The following SPOUT1 variants were observed in gnomAD, a reference collection of about 807,000 sequenced individuals.
SPOUT1 encodes SPOUT domain containing methyltransferase 1.
SPOUT1 carries 40 observed loss-of-function variants against 54.8 expected under a neutral mutation model. The observed-to-expected ratio is 0.73, with a 90% CI of 0.57 to 0.95. SPOUT1 has a LOEUF of 0.95. Ranked by LOEUF, SPOUT1 falls within the 40% of genes least tolerant of loss-of-function variation. The pLI, the probability that SPOUT1 is intolerant of heterozygous loss-of-function variation, is 0.00. For synonymous variants in SPOUT1, 193 were observed against 200.3 expected (o/e 0.96, Z 0.31); for missense variants, 437 against 499.5 (o/e 0.87, Z 1.19).
Position 128,826,412 on chromosome 9 carries a change from G to A in SPOUT1, c.480C>T (p.Phe160=), listed in dbSNP as rs772511197. The A allele has an allele frequency of 3.1e-6, 5 of 1,613,978 alleles. No individual in the cohort carries two copies. In the South Asian group the frequency reaches 3.3e-5, roughly 11 times the overall value. Residue 160 remains phenylalanine (F), a synonymous_variant, in exon 6 of 12, where the codon TTC becomes TTT. Transcript: ENST00000361256. This position sits in a 1 kb window ranked among gnomAD's most constrained non-coding sequence, Gnocchi z 5.5. ...CAAACTGTAGATCCTGGTGCTTGGG[G>A]AAGAACGCCTTCCTCAGGTACCTAG... is the stretch of plus-strand genomic sequence containing the variant. The part of the protein sequence containing the change: ...ECPQYLRKAF[F]PKHQDLQFAG...
intron 9 of SPOUT1, 98 bp from the exon 10 acceptor site, chr9:128,824,272 GCTGTGTGGTGT>G: frequency 1.6e-6 from 1 of 606,568 alleles, no homozygotes; most frequent in South Asian, 1.7e-5. Context: ...GGTGGGAAGA[GCTGTGTGGTGT>G]GTGTGTGTGT....
Position 128,829,107 on chromosome 9 carries a change from T to TA in SPOUT1, c.82+2dup. On this transcript the variant is annotated splice_region_variant and intron_variant, in intron 2 of 11. Transcript: ENST00000361256. ...GAAGATACTCTTACCCACCCTTACTTACTCTGTTGCTTCCATTTTCGCCAC... is the reference window on the plus strand; with the variant it reads ...GAAGATACTCTTACCCACCCTTACTTAACTCTGTTGCTTCCATTTTCGCCAC... The TA allele has an allele frequency of 6.2e-7, 1 of 1,613,388 alleles. No homozygotes were observed. The highest frequency in any genetic ancestry group is 8.5e-7 in the Non-Finnish European group (1 of 1,179,292).
chr9:128,824,257 G>T, intron 9 of SPOUT1, 83 bp from the exon 10 acceptor site: 4 of 662,428 alleles, frequency 6.0e-6, no homozygotes, highest in East Asian at 2.9e-5. Flanking sequence ...ACTGAGGCGG[G>T]GGTGGGTGGG....
In SPOUT1 at chr9:128,825,049, C is replaced by A; in HGVS notation, c.640G>T (p.Glu214Ter). 6.4e-7 allele frequency: 1 copy of A among 1,565,190 alleles called. No individual in the cohort carries two copies. Among genetic ancestry groups the A allele is most frequent in the Non-Finnish European group, 8.7e-7 (1 of 1,154,654 alleles). ...GSFVNCGMKK[E>*]VKIDKNLEPG... The stretch of plus-strand genomic sequence containing the variant: ...TCCAGGTTCTTGTCAATCTTCACCT[C>A]CTGGGGAGAAGCCAGAAGAAATGGG... Residue 214 changes from glutamate (E) to a stop codon, truncating the protein, a stop_gained and splice_region_variant, in exon 8 of 12, where the codon GAG becomes TAG. Transcript: ENST00000361256. LOFTEE classifies it high-confidence loss of function.
chr9:128,823,090 G>A (rs1225073334), intron 11 of SPOUT1, among the ~76,000 whole-genome samples: 3 of 152,178 alleles, frequency 2.0e-5, no homozygotes, highest in African/African-American at 4.8e-5. Flanking sequence ...CAGGGCCAGG[G>A]GAGGGCAAGA....
Position 128,820,517 on chromosome 9 carries a change from G to C in SPOUT1, c.*2248C>G. The C allele has an allele frequency of 1.8e-6, 1 of 553,298 alleles. No homozygotes were observed. Among genetic ancestry groups the C allele is most frequent in the Non-Finnish European group, 3.2e-6 (1 of 309,600 alleles). 34.3% of individuals were successfully genotyped at this position (553,298 alleles called of 1,614,324 possible). On this transcript the variant is annotated 3_prime_UTR_variant, in exon 12 of 12. Transcript: ENST00000361256. Reference sequence around the variant, plus strand: ...ATTCGACTCTTGGGAGCTGAGAAAAGACTTTGACACCTGGGCTGTGGGAGG... The same window carrying C: ...ATTCGACTCTTGGGAGCTGAGAAAACACTTTGACACCTGGGCTGTGGGAGG...
chr9:128,827,651 C>T (rs1830267329), intron 3 of SPOUT1, among the ~76,000 whole-genome samples: 1 of 152,286 alleles, frequency 6.6e-6, no homozygotes, highest in East Asian at 1.9e-4. Flanking sequence ...CAAAAGGTGG[C>T]TCATGCCTGT....
At position 128,821,579 on chromosome 9, in the gene SPOUT1, G is replaced by A. The variant is rs2132582303; in HGVS notation, c.*1186C>T. The A allele has an allele frequency of 6.5e-6, 1 of 154,512 alleles. No homozygotes were observed. The highest frequency in any genetic ancestry group is 2.0e-4 in the South Asian group (1 of 4,960). 9.6% of individuals were successfully genotyped at this position (154,512 alleles called of 1,614,324 possible). A position where few individuals can be genotyped will look rare whatever the true frequency, so the allele number is the denominator to read the frequency against. The stretch of plus-strand genomic sequence containing the variant: ...TCCTGTGCAGCCCTGCCTCTCAGGT[G>A]GAAGCAACTGAGCACCTCTGGGTGT... On this transcript the variant is annotated 3_prime_UTR_variant, in exon 12 of 12. Transcript: ENST00000361256.
Position 128,827,836 on chromosome 9 carries a change from C to T in SPOUT1, c.209-645G>A, listed in dbSNP as rs906291962. ...ACTCCGGAGGCTGGGGCAGGAGAAT[C>T]GATTGAACTGGGAAGTGGAGATTGC... On this transcript the variant is annotated intron_variant, in intron 3 of 11. Coordinates refer to ENST00000361256, the MANE Select transcript of SPOUT1 (RefSeq NM_016390.4). Among the ~76,000 whole-genome samples the T allele has an allele frequency of 3.3e-5, 5 of 152,136 alleles. 1 individual carries two copies. Among genetic ancestry groups the T allele is most frequent in the South Asian group, 4.1e-4 (2 of 4,824 alleles).
At chr9:128,824,226 C>A in intron 9 of SPOUT1, 52 bp from the exon 10 acceptor site, 1 of 985,714 alleles carries the variant, frequency 1.0e-6, no homozygotes, top group Non-Finnish European at 1.6e-6. Flanking sequence ...AGCCATAGCT[C>A]CGGGTATTAT....
chr9:128,827,855 A>T (rs1830271294), intron 3 of SPOUT1, among the ~76,000 whole-genome samples: 1 of 152,194 alleles, frequency 6.6e-6, no homozygotes, highest in Non-Finnish European at 1.5e-5. Flanking sequence ...TGGGAAGTGG[A>T]GATTGCAGTG....
In SPOUT1 at chr9:128,826,179, T is replaced by G. The variant is rs1256904728; in HGVS notation, c.509-27A>C. 6.3e-7 allele frequency: 1 copy of G among 1,588,050 alleles called. No homozygotes were observed. Among genetic ancestry groups the G allele is most frequent in the Non-Finnish European group, 8.6e-7 (1 of 1,167,006 alleles). The stretch of plus-strand genomic sequence containing the variant: ...TGTGGAGGCAGAGCCGGGAAGAGTC[T>G]GGGAAGTGCTAGGGCACACAGGGTG... On this transcript the variant is annotated intron_variant, in intron 6 of 11. Transcript: ENST00000361256. The surrounding 1 kb of genome is among the most constrained non-coding windows in gnomAD (Gnocchi z 5.5).
At chr9:128,825,664 G>A (rs374210910) in intron 7 of SPOUT1, among the ~76,000 whole-genome samples, 6 of 152,184 alleles carry the variant, frequency 3.9e-5, no homozygotes, top group East Asian at 1.9e-4. Flanking sequence ...CTCCATACAT[G>A]TAAAGGTTTC....
chr9:128,826,274 G>A lies in SPOUT1; in HGVS notation c.508+110C>T. 3 of 1,551,940 alleles carry A rather than the reference G, an allele frequency of 1.9e-6. 1 individual carries two copies. The highest frequency in any genetic ancestry group is 2.3e-5 in the South Asian group (2 of 88,774). The stretch of plus-strand genomic sequence containing the variant: ...CGTCTTGGCATCAGACACAGGTCTT[G>A]CTCTCCCAGGCCTGCTTTCCCACCT... On this transcript the variant is annotated intron_variant, in intron 6 of 11. Transcript: ENST00000361256. The surrounding 1 kb of genome is among the most constrained non-coding windows in gnomAD (Gnocchi z 5.5).
At chr9:128,825,172 G>C in intron 7 of SPOUT1, 123 bp from the exon 8 acceptor site, 1 of 682,114 alleles carries the variant, frequency 1.5e-6, no homozygotes, top group Non-Finnish European at 2.6e-6. Flanking sequence ...AGGTCAACCT[G>C]CCACCCTCCA....
Position 128,822,570 on chromosome 9 carries a change from G to T in SPOUT1, c.*195C>A. On this transcript the variant is annotated 3_prime_UTR_variant, in exon 12 of 12. Coordinates refer to ENST00000361256, the MANE Select transcript of SPOUT1 (RefSeq NM_016390.4). ...CTCTTTGTGCCAAACATCCTGGCGCGGGCAGGCAGCCTCAAGGCCATCACG... is the reference window on the plus strand; with the variant it reads ...CTCTTTGTGCCAAACATCCTGGCGCTGGCAGGCAGCCTCAAGGCCATCACG... The T allele has an allele frequency of 6.4e-7, 1 of 1,566,726 alleles. No homozygotes were observed. The highest frequency in any genetic ancestry group is 8.7e-7 in the Non-Finnish European group (1 of 1,155,534).
In SPOUT1 at chr9:128,826,472, AG is replaced by A; in HGVS notation, c.459-40del. 6.2e-7 allele frequency: 1 copy of A among 1,612,358 alleles called. No homozygotes were observed. Among genetic ancestry groups the A allele is most frequent in the Non-Finnish European group, 8.5e-7 (1 of 1,178,512 alleles). The stretch of plus-strand genomic sequence containing the variant: ...CTGACCTCAGGATGTTCCCAGGGGA[AG>A]CCGCCTCCTACCTGGTCTCCACTTT... On this transcript the variant is annotated intron_variant, in intron 5 of 11. Transcript: ENST00000361256. The surrounding 1 kb of genome is among the most constrained non-coding windows in gnomAD (Gnocchi z 5.5).
chr9:128,826,431 T>G lies in SPOUT1; in HGVS notation c.461A>C (p.Tyr154Ser). The G allele has an allele frequency of 1.2e-6, 2 of 1,613,946 alleles. No individual in the cohort carries two copies. Among genetic ancestry groups the G allele is most frequent in the Non-Finnish European group, 1.7e-6 (2 of 1,179,944 alleles). Residue 154 changes from tyrosine (Y) to serine (S), a missense_variant and splice_region_variant, in exon 6 of 12, where the codon TAC becomes TCC. Transcript: ENST00000361256. The surrounding 1 kb of genome is among the most constrained non-coding windows in gnomAD (Gnocchi z 5.5). Reference sequence around the variant, plus strand: ...CTTGGGGAAGAACGCCTTCCTCAGGTACCTAGGAAAGAATGCTGACCTCAG... The same window carrying G: ...CTTGGGGAAGAACGCCTTCCTCAGGGACCTAGGAAAGAATGCTGACCTCAG... ...RILQYLECPQ[Y>S]LRKAFFPKHQ...
rs368439701 is a variant in SPOUT1, at chr9:128,829,775, C to G, written c.6G>C (p.Ala2=). 3.4e-5 allele frequency: 54 copies of G among 1,602,180 alleles called. No homozygotes were observed. Among genetic ancestry groups the G allele is most frequent in the Middle Eastern group, 3.3e-4 (2 of 6,046 alleles). M[A]ERGRKRPCGP... Reference sequence around the variant, plus strand: ...CGCACGGCCGCTTCCTGCCGCGCTCCGCCATGTTCCGCACACACCGTCGGT... The same window carrying G: ...CGCACGGCCGCTTCCTGCCGCGCTCGGCCATGTTCCGCACACACCGTCGGT... Residue 2 remains alanine (A), a synonymous_variant, in exon 1 of 12, where the codon GCG becomes GCC. Coordinates refer to ENST00000361256, the MANE Select transcript of SPOUT1 (RefSeq NM_016390.4).
Sources: gnomAD v4.1 joint callset for allele counts (sites outside exome capture counted in the v4.1 genomes callset) on GRCh38, gnomAD v4.1.1 for gene constraint, Gnocchi (gnomAD v3.1) non-coding constraint, MANE v1.5 for transcripts, NCBI Gene and HGNC (gene_info 2026-07-23, HGNC 2026-07-21) for gene names.